CREB5: variants seen among roughly 807,000 people sequenced by gnomAD.
CREB5 encodes the protein cAMP responsive element binding protein 5, also known as cyclic AMP-responsive element-binding protein 5.
Under a neutral mutation model 57.1 loss-of-function variants are expected in CREB5, and 19 were observed. That is an observed-to-expected ratio of 0.33 (90% CI 0.23 to 0.49). CREB5 has a LOEUF of 0.49. Ranked by LOEUF, CREB5 falls within the 20% of genes least tolerant of loss-of-function variation. The probability of loss-of-function intolerance (pLI) is 0.99; values close to 1 mark genes in which losing one functional copy is unlikely to be tolerated. For synonymous variants in CREB5, 238 were observed against 238.3 expected (o/e 1.00, Z 0.01); for missense variants, 579 against 671.6 (o/e 0.86, Z 1.52).
chr7:28,680,284 T>C (rs1388556422), intron 5 of CREB5, among the ~76,000 whole-genome samples: 2 of 152,170 alleles, frequency 1.3e-5, no homozygotes, highest in Admixed American at 6.5e-5. Context: ...AGGAAAGGCC[T>C]CTTTCTTGGA....
At chr7:28,747,857 G>A (rs972045824) in intron 7 of CREB5, among the ~76,000 whole-genome samples, 5 of 152,156 alleles carry the variant, frequency 3.3e-5, no homozygotes, top group Non-Finnish European at 7.3e-5. Flanking sequence ...ACTTGTTAAG[G>A]GCGCCCCTCC....
chr7:28,577,095 T>C (rs1795936528), intron 5 of CREB5, among the ~76,000 whole-genome samples: 1 of 152,218 alleles, frequency 6.6e-6, no homozygotes, highest in South Asian at 2.1e-4. Context: ...TCATGGATTT[T>C]AGACATTCAG....
chr7:28,494,724 T>TA (rs1791946670), intron 2 of CREB5, among the ~76,000 whole-genome samples, 182 bp from the exon 3 acceptor site: 1 of 152,006 alleles, frequency 6.6e-6, no homozygotes, highest in African/African-American at 2.4e-5. Flanking sequence ...TTTGCTTGCA[T>TA]AAAAAAGCTT....
chr7:28,752,799 T>C (rs184836037), intron 7 of CREB5, among the ~76,000 whole-genome samples: 2 of 151,718 alleles, frequency 1.3e-5, no homozygotes, highest in Non-Finnish European at 2.9e-5. Context: ...CCTTATATAA[T>C]GAGAAAAAAA....
At chr7:28,707,325 T>C (rs1562586099) in intron 5 of CREB5, among the ~76,000 whole-genome samples, 1 of 152,246 alleles carries the variant, frequency 6.6e-6, no homozygotes, top group Non-Finnish European at 1.5e-5. Context: ...ACTCAAAATA[T>C]TCTCTAAAGT....
chr7:28,412,484 G>A (rs1484665802), upstream of CREB5: 1 of 155,718 alleles, frequency 6.4e-6, no homozygotes, highest in Non-Finnish European at 1.4e-5. Context: ...CGTAGCGCAG[G>A]AGTATAAACT....
chr7:28,390,204 CAG>C (rs1787189299), intron 1 of CREB5, among the ~76,000 whole-genome samples: 1 of 152,094 alleles, frequency 6.6e-6, no homozygotes, highest in South Asian at 2.1e-4. Context: ...GCTGATGAAT[CAG>C]ACTTTTAATA....
At chr7:28,790,521 A>G (rs1807637227) in intron 7 of CREB5, among the ~76,000 whole-genome samples, 1 of 152,180 alleles carries the variant, frequency 6.6e-6, no homozygotes, top group African/African-American at 2.4e-5. Flanking sequence ...ATAAAGAAAG[A>G]AAGGGAAAAA....
At position 28,581,969 on chromosome 7, in the gene CREB5, C is replaced by T. The variant is rs1269298879; in HGVS notation, c.464+11432C>T. Among the ~76,000 whole-genome samples, 4 of 152,148 alleles carry T rather than the reference C, an allele frequency of 2.6e-5. No homozygotes were observed. In the East Asian group the frequency reaches 7.7e-4, roughly 29 times the overall value. ...AGGCATTGGAAAGATACTTCTTTTGCTATTACCCTTTGCACAAAAGGTTCT... is the reference window on the plus strand; with the variant it reads ...AGGCATTGGAAAGATACTTCTTTTGTTATTACCCTTTGCACAAAAGGTTCT... On this transcript the variant is annotated intron_variant, in intron 5 of 10. Transcript: ENST00000357727.
rs552744776 is a variant in CREB5 at position 28,316,124 on chromosome 7, T to C, written c.-25+16683T>C. 5.3e-5 allele frequency among the ~76,000 whole-genome samples: 8 copies of C among 152,268 alleles called. No homozygotes were observed. The South Asian group carries it at 1.7e-3, about 32-fold the overall frequency. ...TGCCGAGGAGGCGGGTGGGATGCCA[T>C]TGCGATTCTGTGGCTTAGTTTTGCA... On this transcript the variant is annotated intron_variant, in intron 1 of 9. Transcript: ENST00000396299.
chr7:28,392,927 A>AT (rs11289159), intron 1 of CREB5, among the ~76,000 whole-genome samples: 15,156 of 145,912 alleles, frequency 0.1, 1,044 homozygotes, highest in African/African-American at 0.19. Context: ...CAAAGCAGCA[A>AT]TTTTTTTTTT....
intron 3 of CREB5, among the ~76,000 whole-genome samples, chr7:28,501,504 T>C (rs1449136317): frequency 6.6e-6 from 1 of 152,212 alleles, no homozygotes; most frequent in African/African-American, 2.4e-5. Flanking sequence ...GCAGTATTCT[T>C]TTTTATATGA....
At chr7:28,404,854 C>T (rs371052543) in intron 1 of CREB5, among the ~76,000 whole-genome samples, 1 of 152,172 alleles carries the variant, frequency 6.6e-6, no homozygotes, top group African/African-American at 2.4e-5. Context: ...CTCAGGACTA[C>T]CAAAGTATGG....
Position 28,335,590 on chromosome 7 carries a change from C to CT in CREB5, c.-25+36158dup, listed in dbSNP as rs917173559. On this transcript the variant is annotated intron_variant, in intron 1 of 9. Coordinates refer to the CREB5 transcript ENST00000396299. ...TGAATTTGTCACTTCTAGTAGTTTT[C>CT]TTTTTTTTTGGTGGAGTCTTTAGCT... Among the ~76,000 whole-genome samples the CT allele has an allele frequency of 6.5e-3, 969 of 150,056 alleles. 5 individuals carry two copies. The highest frequency in any genetic ancestry group is 0.022 in the African/African-American group (909 of 41,066).
At position 28,756,557 on chromosome 7, in the gene CREB5, C is replaced by A. The variant is rs1470738685; in HGVS notation, c.702+32225C>A. Among the ~76,000 whole-genome samples the A allele has an allele frequency of 1.6e-4, 22 of 140,666 alleles. 1 individual carries two copies. Among genetic ancestry groups the A allele is most frequent in the East Asian group, 2.1e-4 (1 of 4,872 alleles). The allele number at this position is 140,666 out of a possible 152,430, so 92.3% of individuals were successfully genotyped here. ...GGCAACAAGAGGGGAATTCCATCTCCAAAAAAAAAAAAACAGCACATTGAG... is the reference window on the plus strand; with the variant it reads ...GGCAACAAGAGGGGAATTCCATCTCAAAAAAAAAAAAAACAGCACATTGAG... On this transcript the variant is annotated intron_variant, in intron 7 of 10. Transcript: ENST00000357727.
chr7:28,451,413 C>T (rs963983719), intron 1 of CREB5, among the ~76,000 whole-genome samples: 1 of 151,206 alleles, frequency 6.6e-6, no homozygotes, highest in African/African-American at 2.4e-5. Context: ...TGGATTCTAG[C>T]CACTTTTCTG....
chr7:28,668,286 G>C (rs1252096358), intron 5 of CREB5, among the ~76,000 whole-genome samples: 1 of 152,106 alleles, frequency 6.6e-6, no homozygotes, highest in Non-Finnish European at 1.5e-5. Context: ...AAAGAGTATA[G>C]CATCTTTTAA....
intron 5 of CREB5, among the ~76,000 whole-genome samples, chr7:28,636,664 C>T (rs1173769050): frequency 3.9e-5 from 6 of 152,196 alleles, no homozygotes; most frequent in Non-Finnish European, 5.9e-5. Context: ...CTAGACTTTT[C>T]CCTTTCAATC....
chr7:28,452,741 C>G (rs1789885199), intron 1 of CREB5, among the ~76,000 whole-genome samples: 1 of 152,222 alleles, frequency 6.6e-6, no homozygotes, highest in Non-Finnish European at 1.5e-5. Context: ...TCTTCTCACC[C>G]TCTGGTCTCT....
Sources: gnomAD v4.1 joint callset for allele counts (sites outside exome capture counted in the v4.1 genomes callset) on GRCh38, gnomAD v4.1.1 for gene constraint, MANE v1.5 for transcripts, NCBI Gene and HGNC (gene_info 2026-07-23, HGNC 2026-07-21) for gene names.